NR4A3: variants seen among roughly 807,000 people sequenced by gnomAD.
NR4A3 encodes chondrosarcoma, extraskeletal myxoid, fused to EWS.
In NR4A3, 13 loss-of-function variants were observed where a neutral mutation model predicts 55.6. The observed-to-expected ratio is 0.23, with a 90% confidence interval of 0.15 to 0.37. NR4A3 has a LOEUF of 0.37. Ranked by LOEUF, NR4A3 falls within the 10% of genes least tolerant of loss-of-function variation. NR4A3 has a pLI of 1.00. For synonymous variants in NR4A3, 342 were observed against 357.9 expected, an observed-to-expected ratio of 0.96 and a Z score of 0.50; for missense variants, 646 against 822.8, an observed-to-expected ratio of 0.79 and a Z score of 2.63.
At chr9:99,853,477 C>G (rs1298332705) in intron 7 of NR4A3, among the ~76,000 whole-genome samples, 13 of 99,074 alleles carry the variant, frequency 1.3e-4, no homozygotes, top group Admixed American at 4.3e-4. Context: ...ATCCCTCCCC[C>G]CTCCCCCGAC....
At position 99,864,950 on chromosome 9, in the gene NR4A3, G is replaced by A. The variant is rs142576300; in HGVS notation, c.*1083G>A. 5.2e-6 allele frequency: 1 copy of A among 193,252 alleles called. No homozygotes were observed. Among genetic ancestry groups the A allele is most frequent in the Non-Finnish European group, 1.0e-5 (1 of 96,512 alleles). 12.0% of individuals were successfully genotyped at this position (193,252 alleles called of 1,614,324 possible). A position where few individuals can be genotyped will look rare whatever the true frequency, so the allele number is the denominator to read the frequency against. On this transcript the variant is annotated 3_prime_UTR_variant, in exon 8 of 8. Coordinates refer to ENST00000395097, the MANE Select transcript of NR4A3 (RefSeq NM_006981.4). ...AATTTAATTTTTGTTATTGGTTAAG[G>A]AGACAATTTTGGAGAGCAAGCAAAT...
Position 99,822,566 on chromosome 9 carries a change from G to A in NR4A3, c.-177+159G>A, listed in dbSNP as rs950410390. Among the ~76,000 whole-genome samples, 1 of 152,228 alleles carries A rather than the reference G, an allele frequency of 6.6e-6. No homozygotes were observed. The highest frequency in any genetic ancestry group is 1.5e-5 in the Non-Finnish European group (1 of 68,030). ...GCTAGCCCAGCGGCCCGTAGGTTCT[G>A]ATCTGAAACTTTTCCCCTGTAGTGG... On this transcript the variant is annotated intron_variant, in intron 1 of 7. Coordinates refer to ENST00000395097, the MANE Select transcript of NR4A3 (RefSeq NM_006981.4). This position sits in a 1 kb window ranked among gnomAD's most constrained non-coding sequence, Gnocchi z 4.9.
At chr9:99,851,508 G>C (rs1827848970) in intron 7 of NR4A3, among the ~76,000 whole-genome samples, 1 of 152,014 alleles carries the variant, frequency 6.6e-6, no homozygotes, top group African/African-American at 2.4e-5. Flanking sequence ...TAAGAATCTG[G>C]ATTAGTATTG....
At chr9:99,844,323 A>C (rs1337270433) in intron 5 of NR4A3, among the ~76,000 whole-genome samples, 1 of 152,154 alleles carries the variant, frequency 6.6e-6, no homozygotes. Flanking sequence ...TTAAATGAGA[A>C]TCTCTAGGCG....
chr9:99,828,684 C>T lies in NR4A3; in HGVS notation c.642C>T (p.Asp214=). The T allele has an allele frequency of 1.5e-6, 2 of 1,362,606 alleles. No homozygotes were observed. Among genetic ancestry groups the T allele is most frequent in the Non-Finnish European group, 1.9e-6 (2 of 1,065,924 alleles). The allele number at this position is 1,362,606 out of a possible 1,614,324, so 84.4% of individuals were successfully genotyped here. A position where few individuals can be genotyped will look rare whatever the true frequency, so the allele number is the denominator to read the frequency against. Residue 214 remains aspartate, a synonymous_variant, in exon 3 of 8, where the codon GAC becomes GAT. Coordinates refer to ENST00000395097, the MANE Select transcript of NR4A3 (RefSeq NM_006981.4). The surrounding 1 kb of genome is among the most constrained non-coding windows in gnomAD (Gnocchi z 7.7). ...CCGGCGGCCACCACCTCGGCTACGA[C>T]CCGACGGCCGCTGCCGCGCTCAGCC... ...SPAGGHHLGY[D]PTAAAALSLP... is the part of the protein sequence containing the mutation.
chr9:99,864,531 T>C lies in NR4A3; in HGVS notation c.*664T>C, dbSNP rs1828060178. 1 of 226,882 alleles carries C rather than the reference T, an allele frequency of 4.4e-6. No individual in the cohort carries two copies. The highest frequency in any genetic ancestry group is 1.3e-3 in the Middle Eastern group (1 of 742). 14.1% of individuals were successfully genotyped at this position (226,882 alleles called of 1,614,324 possible). A position where few individuals can be genotyped will look rare whatever the true frequency, so the allele number is the denominator to read the frequency against. The stretch of plus-strand genomic sequence containing the variant: ...TGTTTATTAACTCTCCTTTATTCTA[T>C]ATGGAAATAAAAAGGAGGCAGTCAT... On this transcript the variant is annotated 3_prime_UTR_variant, in exon 8 of 8. Coordinates refer to ENST00000395097, the MANE Select transcript of NR4A3 (RefSeq NM_006981.4).
At chr9:99,855,627 T>C (rs1181695814) in intron 7 of NR4A3, among the ~76,000 whole-genome samples, 1 of 152,212 alleles carries the variant, frequency 6.6e-6, no homozygotes, top group Non-Finnish European at 1.5e-5. Flanking sequence ...GACTGCTGAC[T>C]TGACTTGTCG....
Position 99,828,652 on chromosome 9 carries a change from A to T in NR4A3, c.610A>T (p.Ser204Cys), listed in dbSNP as rs1005540641. ...CTCGCCGCCGCATCCCCCCGCGCCCAGCCCGGCCGGCGGCCACCACCTCGG... is the reference window on the plus strand; with the variant it reads ...CTCGCCGCCGCATCCCCCCGCGCCCTGCCCGGCCGGCGGCCACCACCTCGG... ...KPSPPHPPAP[S>C]PAGGHHLGYD... The change falls in exon 3 of 8, where the codon AGC becomes TGC. Residue 204 changes from serine to cysteine, a missense_variant. Physicochemically the swap from Ser to Cys is moderately radical, Grantham distance 112. This residue lies in a region of NR4A3 where 426 missense variants were observed against 429.4 expected (regional missense o/e 0.99). Transcript: ENST00000395097. The surrounding 1 kb of genome is among the most constrained non-coding windows in gnomAD (Gnocchi z 7.7). The T allele has an allele frequency of 7.0e-7, 1 of 1,427,532 alleles. No homozygotes were observed. Among genetic ancestry groups the T allele is most frequent in the African/African-American group, 1.5e-5 (1 of 66,238 alleles). 88.4% of individuals were successfully genotyped at this position (1,427,532 alleles called of 1,614,324 possible). A position where few individuals can be genotyped will look rare whatever the true frequency, so the allele number is the denominator to read the frequency against.
intron 7 of NR4A3, among the ~76,000 whole-genome samples, chr9:99,856,873 G>A (rs1287547932): frequency 3.3e-5 from 5 of 152,214 alleles, no homozygotes; most frequent in Non-Finnish European, 5.9e-5. Flanking sequence ...CACACCTTAA[G>A]TATCTAGGAA....
chr9:99,823,640 A>C (rs1283222927), intron 1 of NR4A3, among the ~76,000 whole-genome samples: 1 of 152,062 alleles, frequency 6.6e-6, no homozygotes, highest in Non-Finnish European at 1.5e-5. Context: ...CAATGAATGA[A>C]GTTACTTTAT....
chr9:99,828,523 C>T lies in NR4A3; in HGVS notation c.481C>T (p.Pro161Ser), dbSNP rs1168581770. The change falls in exon 3 of 8, where the codon CCC becomes TCC. Residue 161 changes from proline to serine, a missense_variant. Around this residue, in one of 5 missense-constraint regions of NR4A3, gnomAD observed 426 missense variants for 429.4 expected, o/e 0.99. Coordinates refer to ENST00000395097, the MANE Select transcript of NR4A3 (RefSeq NM_006981.4). The surrounding 1 kb of genome is among the most constrained non-coding windows in gnomAD (Gnocchi z 7.7). ...GGGGGCGTTATGGGACGAGGCACTG[C>T]CCTCGGCGCCCGGCTGCATCGCACC... ...QAGALWDEAL[P>S]SAPGCIAPGP... 1 of 1,576,748 alleles carries T rather than the reference C, an allele frequency of 6.3e-7. No homozygotes were observed. Among genetic ancestry groups the T allele is most frequent in the Non-Finnish European group, 8.6e-7 (1 of 1,165,780 alleles).
chr9:99,846,852 T>C (rs1389755356), intron 6 of NR4A3, among the ~76,000 whole-genome samples: 1 of 152,202 alleles, frequency 6.6e-6, no homozygotes, highest in East Asian at 1.9e-4. Context: ...TTCACTATGT[T>C]GCCCAAGCTG....
intron 1 of NR4A3, among the ~76,000 whole-genome samples, chr9:99,823,175 A>G (rs1479760109): frequency 1.3e-5 from 2 of 151,840 alleles, no homozygotes; most frequent in Non-Finnish European, 2.9e-5. Flanking sequence ...GGTGTGGGAA[A>G]GGCATGCTTT....
intron 5 of NR4A3, among the ~76,000 whole-genome samples, chr9:99,839,499 A>G (rs1009670724): frequency 3.9e-5 from 6 of 152,188 alleles, no homozygotes; most frequent in African/African-American, 1.4e-4. Context: ...TTCCACACAA[A>G]TATCTCATTT....
In NR4A3 at chr9:99,863,708, G is replaced by A. The variant is rs2118187166; in HGVS notation, c.1722G>A (p.Gln574=). 2 of 1,613,960 alleles carry A rather than the reference G, an allele frequency of 1.2e-6. No homozygotes were observed. The highest frequency in any genetic ancestry group is 4.5e-5 in the East Asian group (2 of 44,820). The change falls in exon 8 of 8, where the codon CAG becomes CAA. Residue 574 remains glutamine, a synonymous_variant. Transcript: ENST00000395097. ...SSLKDHQSKG[Q]ALEPTESKVL... is the part of the protein sequence containing the mutation. ...TAAAAGACCACCAGAGTAAGGGACA[G>A]GCTCTGGAGCCCACCGAGTCCAAGG...
intron 5 of NR4A3, among the ~76,000 whole-genome samples, chr9:99,841,573 T>C (rs1458368421): frequency 1.3e-5 from 2 of 152,218 alleles, no homozygotes; most frequent in East Asian, 1.9e-4. Flanking sequence ...TCATGTACTA[T>C]ATATCAGGCC....
chr9:99,824,671 G>T (rs886200877), intron 1 of NR4A3, among the ~76,000 whole-genome samples: 1 of 152,220 alleles, frequency 6.6e-6, no homozygotes, highest in Admixed American at 6.5e-5. Flanking sequence ...TTTTGGTTTG[G>T]TTTGATTTGG....
intron 7 of NR4A3, among the ~76,000 whole-genome samples, chr9:99,859,779 T>G (rs1353551396): frequency 1.3e-5 from 2 of 152,214 alleles, no homozygotes; most frequent in Non-Finnish European, 2.9e-5. Flanking sequence ...GCCAACATAT[T>G]ACTCAGTTCC....
At chr9:99,848,675 A>G (rs1018131299) in intron 7 of NR4A3, among the ~76,000 whole-genome samples, 9 of 152,216 alleles carry the variant, frequency 5.9e-5, no homozygotes, top group Non-Finnish European at 1.3e-4. Flanking sequence ...CAAACATAAA[A>G]GATATTTGAT....
Sources: gnomAD v4.1 joint callset for allele counts (sites outside exome capture counted in the v4.1 genomes callset) on GRCh38, gnomAD v4.1.1 for gene constraint, gnomAD v4.1.1 regional missense constraint, Gnocchi (gnomAD v3.1) non-coding constraint, MANE v1.5 for transcripts, NCBI Gene and HGNC (gene_info 2026-07-23, HGNC 2026-07-21) for gene names.